Variants in DHTKD1 observed in about 807,000 individuals in gnomAD.
DHTKD1 encodes the protein dehydrogenase E1 and transketolase domain containing 1, also known as 2-oxoadipate dehydrogenase complex component E1.
A neutral mutation model predicts 101.8 loss-of-function variants in DHTKD1; 78 were observed. That is an observed-to-expected ratio of 0.77 (90% CI 0.64 to 0.93). The LOEUF is 0.93. Ranked by LOEUF, DHTKD1 falls within the 40% of genes least tolerant of loss-of-function variation. DHTKD1 has a pLI of 0.00. For missense variants in DHTKD1, 1,223 were observed against 1,161.7 expected (o/e 1.05, Z -0.77); for synonymous variants, 462 against 450.3 (o/e 1.03, Z -0.33).
intron 13 of DHTKD1, among the ~76,000 whole-genome samples, chr10:12,116,782 C>T (rs2658194): frequency 0.97 from 146,152 of 151,450 alleles, 70,748 homozygotes; most frequent in Middle Eastern, 1. Flanking sequence ...TTGCAACTTC[C>T]GCCTCCCAAG....
intron 6 of DHTKD1, 120 bp from the exon 7 acceptor site, chr10:12,093,953 C>A: frequency 1.1e-6 from 1 of 887,412 alleles, no homozygotes; most frequent in East Asian, 2.4e-5. Context: ...GGGTTGTTAA[C>A]CAAACCAATA....
rs35420105 is a variant in DHTKD1 at position 12,111,045 on chromosome 10, C to CAA, written c.2155-1837_2155-1836dup. Among the ~76,000 whole-genome samples, 464 of 100,496 alleles carry CAA rather than the reference C, an allele frequency of 4.6e-3. 6 individuals carry two copies. The highest frequency in any genetic ancestry group is 6.6e-3 in the Non-Finnish European group (344 of 52,104). 65.9% of individuals were successfully genotyped at this position (100,496 alleles called of 152,430 possible). Reference sequence around the variant, plus strand: ...TGGGCAAGAGAGCCAGACCCTGTCTCAAAAAAAAAAAAAAAAAAAGGGAGG... The same window carrying CAA: ...TGGGCAAGAGAGCCAGACCCTGTCTCAAAAAAAAAAAAAAAAAAAAAGGGAGG... On this transcript the variant is annotated intron_variant, in intron 12 of 16. Coordinates refer to ENST00000263035, the MANE Select transcript of DHTKD1 (RefSeq NM_018706.7).
intron 1 of DHTKD1, among the ~76,000 whole-genome samples, chr10:12,076,299 A>C (rs1832729930): frequency 6.6e-6 from 1 of 152,226 alleles, no homozygotes; most frequent in Admixed American, 6.5e-5. Flanking sequence ...AACACGGTGA[A>C]ACCCCGTCTC....
At chr10:12,094,665 GAC>G (rs1423642186) in intron 7 of DHTKD1, among the ~76,000 whole-genome samples, 2 of 151,248 alleles carry the variant, frequency 1.3e-5, no homozygotes, top group African/African-American at 4.9e-5. Flanking sequence ...AGCTAAAGCT[GAC>G]ACAGTTCTGG....
chr10:12,106,937 T>C (rs1376864406), intron 11 of DHTKD1, among the ~76,000 whole-genome samples: 1 of 151,948 alleles, frequency 6.6e-6, no homozygotes, highest in Non-Finnish European at 1.5e-5. Context: ...TTCAAGACAG[T>C]GGCCTGTGTT....
rs951953497 is a variant in DHTKD1 at position 12,107,961 on chromosome 10, C to G, written c.2100C>G (p.Gly700=). 6.2e-7 allele frequency: 1 copy of G among 1,614,074 alleles called. No homozygotes were observed. Among genetic ancestry groups the G allele is most frequent in the Non-Finnish European group, 8.5e-7 (1 of 1,179,956 alleles). ...QSGIVILLPH[G]YDGAGPDHSS... ...GCATCGTCATCCTCCTTCCACATGG[C>G]TACGATGGGGCTGGGCCAGACCACT... Residue 700 remains glycine (G), a synonymous_variant, in exon 12 of 17, where the codon GGC becomes GGG. Coordinates refer to ENST00000263035, the MANE Select transcript of DHTKD1 (RefSeq NM_018706.7). This position sits in a 1 kb window ranked among gnomAD's most constrained non-coding sequence, Gnocchi z 4.1.
At chr10:12,105,531 T>C (rs1445579589) in intron 10 of DHTKD1, among the ~76,000 whole-genome samples, 2 of 152,084 alleles carry the variant, frequency 1.3e-5, no homozygotes, top group Non-Finnish European at 2.9e-5. Flanking sequence ...TTGCCCATGT[T>C]GATCTCAAAC....
Position 12,106,322 on chromosome 10 carries a change from TG to T in DHTKD1, c.1974del (p.Leu660CysfsTer54). ...ATGAGCATTGAGAGCCCAAAGTTAC[TG>T]CCCCTGTGGGAGGCACAGTTTGGCG... is the stretch of plus-strand genomic sequence containing the variant. ...YGMSIESPKL[L>X]PLWEAQFGDF... is the part of the protein sequence containing the mutation. On this transcript the variant is annotated frameshift_variant, in exon 11 of 17. Transcript: ENST00000263035. LOFTEE classifies it high-confidence loss of function. 1 of 1,614,176 alleles carries T rather than the reference TG, an allele frequency of 6.2e-7. No individual in the cohort carries two copies. The highest frequency in any genetic ancestry group is 8.5e-7 in the Non-Finnish European group (1 of 1,180,018).
chr10:12,117,830 A>G, intron 14 of DHTKD1, 75 bp downstream of exon 14: 1 of 551,714 alleles, frequency 1.8e-6, no homozygotes, highest in Non-Finnish European at 3.2e-6. Flanking sequence ...ACATTAAGAG[A>G]TCACAGGTGA....
At chr10:12,120,544 G>A (rs931065161) in intron 16 of DHTKD1, among the ~76,000 whole-genome samples, 2 of 151,974 alleles carry the variant, frequency 1.3e-5, no homozygotes, top group East Asian at 1.9e-4. Flanking sequence ...CACCATGTTA[G>A]CCAGGATAGT....
intron 15 of DHTKD1, 42 bp from the exon 16 acceptor site, chr10:12,120,140 A>C: frequency 6.7e-7 from 1 of 1,486,650 alleles, no homozygotes; most frequent in South Asian, 1.1e-5. Context: ...GACCGTCTGC[A>C]TGTGTCTACT....
chr10:12,097,921 G>A lies in DHTKD1; in HGVS notation c.1596G>A (p.Arg532=), dbSNP rs2131365440. 1 of 1,614,230 alleles carries A rather than the reference G, an allele frequency of 6.2e-7. No individual in the cohort carries two copies. ...CAGGTGTGCCCCTCGACCTCCTGCG[G>A]TTTGTTGGCATGAAGTCTGTAGAGG... The part of the protein sequence containing the change: ...WSTGVPLDLL[R]FVGMKSVEVP... The change falls in exon 8 of 17, where the codon CGG becomes CGA. Residue 532 remains arginine (R), a synonymous_variant. Transcript: ENST00000263035.
chr10:12,072,766 C>T (rs1160695932), intron 1 of DHTKD1, among the ~76,000 whole-genome samples: 2 of 146,902 alleles, frequency 1.4e-5, no homozygotes, highest in Non-Finnish European at 3.0e-5. Flanking sequence ...GATGGAGTTT[C>T]GCTCTTGTTG....
At position 12,089,226 on chromosome 10, in the gene DHTKD1, C is replaced by T. The variant is rs754107292; in HGVS notation, c.958C>T (p.Gln320Ter). The T allele has an allele frequency of 1.9e-6, 3 of 1,614,032 alleles. No homozygotes were observed. Among genetic ancestry groups the T allele is most frequent in the East Asian group, 2.2e-5 (1 of 44,898 alleles). Residue 320 changes from glutamine to a stop codon, truncating the protein, a stop_gained, in exon 5 of 17, where the codon CAG (glutamine) becomes TAG (stop). Transcript: ENST00000263035. LOFTEE classifies it high-confidence loss of function. ...DGDYSPDNSA[Q>*]PGDRVICLQV... The stretch of plus-strand genomic sequence containing the variant: ...CGATTACTCTCCAGACAACTCAGCC[C>T]AGCCGGGGGACAGGGTCATTTGCTT...
intron 14 of DHTKD1, 27 bp downstream of exon 14, chr10:12,117,782 T>C (rs1270724295): frequency 7.4e-7 from 1 of 1,342,392 alleles, no homozygotes; most frequent in East Asian, 2.4e-5. Context: ...TGTTTTCATA[T>C]TCTGTGGCAG....
In DHTKD1 at chr10:12,103,700, A is replaced by G. The variant is rs1833205638; in HGVS notation, c.1896+2519A>G. Among the ~76,000 whole-genome samples the G allele has an allele frequency of 6.6e-6, 1 of 152,060 alleles. No homozygotes were observed. The highest frequency in any genetic ancestry group is 2.4e-5 in the African/African-American group (1 of 41,400). On this transcript the variant is annotated intron_variant, in intron 10 of 16. Coordinates refer to ENST00000263035, the MANE Select transcript of DHTKD1 (RefSeq NM_018706.7). The surrounding 1 kb of genome is among the most constrained non-coding windows in gnomAD (Gnocchi z 4.8). ...CTGGCTACTTTTAAATATTTTGTAG[A>G]GATAGGAGTCTCACTGTGATGGCCA...
intron 1 of DHTKD1, among the ~76,000 whole-genome samples, chr10:12,069,916 C>A (rs1397647689): frequency 6.6e-6 from 1 of 151,888 alleles, no homozygotes; most frequent in Non-Finnish European, 1.5e-5. Context: ...ATTTCCAGGA[C>A]CATCTCTGAG....
intron 2 of DHTKD1, among the ~76,000 whole-genome samples, chr10:12,082,983 A>G (rs559200177): frequency 5.9e-5 from 9 of 152,166 alleles, no homozygotes; most frequent in Non-Finnish European, 1.0e-4. Context: ...AAAAAAAATA[A>G]CAAAAAAATT....
chr10:12,118,584 G>T (rs376907574), intron 14 of DHTKD1, among the ~76,000 whole-genome samples, 165 bp from the exon 15 acceptor site: 3 of 151,754 alleles, frequency 2.0e-5, no homozygotes, highest in Admixed American at 6.6e-5. Flanking sequence ...GGGTTTCACC[G>T]TGTTAGCCAG....
Sources: gnomAD v4.1 joint callset for allele counts (sites outside exome capture counted in the v4.1 genomes callset) on GRCh38, gnomAD v4.1.1 for gene constraint, Gnocchi (gnomAD v3.1) non-coding constraint, MANE v1.5 for transcripts, NCBI Gene and HGNC (gene_info 2026-07-23, HGNC 2026-07-21) for gene names.